GPLD1: variants seen among roughly 807,000 people sequenced by gnomAD.
The protein encoded by GPLD1 is glycosylphosphatidylinositol specific phospholipase D1, also known as phosphatidylinositol-glycan-specific phospholipase D.
GPLD1 carries 84 observed loss-of-function variants against 112.6 expected under a neutral mutation model. That is an observed-to-expected ratio of 0.75 (90% CI 0.63 to 0.89). The LOEUF (loss-of-function observed/expected upper bound fraction) is 0.89. Ranked by LOEUF, GPLD1 falls within the 40% of genes least tolerant of loss-of-function variation. GPLD1 has a pLI of 0.00. For missense variants in GPLD1, 1,044 were observed against 1,051.5 expected, an observed-to-expected ratio of 0.99 and a Z score of 0.10; for synonymous variants, 386 against 403.8, an observed-to-expected ratio of 0.96 and a Z score of 0.53.
chr6:24,448,262 C>T, intron 15 of GPLD1, 54 bp from the exon 16 acceptor site: 1 of 1,165,086 alleles, frequency 8.6e-7, no homozygotes, highest in Non-Finnish European at 1.3e-6. Flanking sequence ...GACCCAAGAA[C>T]CTTAAATAAC....
intron 1 of GPLD1, among the ~76,000 whole-genome samples, chr6:24,487,069 C>T (rs187795234): frequency 5.9e-4 from 90 of 152,232 alleles, no homozygotes; most frequent in Non-Finnish European, 8.5e-4. Flanking sequence ...AAGGTGATAC[C>T]TTATTTCTGT....
chr6:24,437,949 G>T (rs575626069), intron 20 of GPLD1, among the ~76,000 whole-genome samples: 1 of 152,110 alleles, frequency 6.6e-6, no homozygotes. Flanking sequence ...TAATAACACC[G>T]AGTCCAGTGG....
intron 11 of GPLD1, among the ~76,000 whole-genome samples, chr6:24,461,126 CA>C (rs2127349125): frequency 6.6e-6 from 1 of 151,920 alleles, no homozygotes; most frequent in African/African-American, 2.4e-5. Flanking sequence ...GTCAACCAGC[CA>C]AAAAGCAGAT....
intron 4 of GPLD1, among the ~76,000 whole-genome samples, chr6:24,475,640 C>G (rs1763986040): frequency 6.9e-6 from 1 of 145,080 alleles, no homozygotes; most frequent in East Asian, 2.0e-4. Context: ...GTCAGGAAAT[C>G]GAGACCATCC....
upstream of GPLD1, chr6:24,489,729 C>T (rs1764503617): frequency 1.5e-6 from 1 of 682,110 alleles, no homozygotes; most frequent in South Asian, 2.4e-5. Context: ...CTCTGTGCTC[C>T]TGGGGGGTGG....
chr6:24,460,346 T>G lies in GPLD1; in HGVS notation c.941A>C (p.Glu314Ala), dbSNP rs760257580. Residue 314 changes from glutamate (E) to alanine (A), a missense_variant, in exon 12 of 25, where the codon GAA (glutamate) becomes GCA (alanine). Glu to Ala is a moderately radical substitution (Grantham distance 107). Coordinates refer to ENST00000230036, the MANE Select transcript of GPLD1 (RefSeq NM_001503.4). ...ATAGTTTATATTCCTGTCAACACTT[T>G]CAGTTAGGGATGTAGTCAAATTTCT... ...FHRNLTTSLTESVDRNINYTE... is the reference protein window; with the variant it reads ...FHRNLTTSLTASVDRNINYTE... The G allele has an allele frequency of 6.2e-7, 1 of 1,612,942 alleles. No homozygotes were observed. Among genetic ancestry groups the G allele is most frequent in the Non-Finnish European group, 8.5e-7 (1 of 1,178,920 alleles).
intron 5 of GPLD1, among the ~76,000 whole-genome samples, chr6:24,474,171 A>ACC (rs1212206629): frequency 4.7e-4 from 28 of 60,106 alleles, no homozygotes; most frequent in African/African-American, 1.1e-3. Context: ...AACCACACCC[A>ACC]CATACACACA....
At chr6:24,461,964 T>C (rs1763452419) in intron 11 of GPLD1, among the ~76,000 whole-genome samples, 1 of 152,232 alleles carries the variant, frequency 6.6e-6, no homozygotes, top group South Asian at 2.1e-4. Context: ...GGTTGGTACC[T>C]GACTCCAGCA....
intron 21 of GPLD1, 26 bp from the exon 22 acceptor site, chr6:24,436,762 G>T: frequency 6.2e-7 from 1 of 1,609,980 alleles, no homozygotes; most frequent in Non-Finnish European, 8.5e-7. Flanking sequence ...ACCGACAGAA[G>T]GAAGTATTTG....
intron 10 of GPLD1, 52 bp from the exon 11 acceptor site, chr6:24,462,847 GA>G (rs1763481437): frequency 4.6e-6 from 6 of 1,291,224 alleles, no homozygotes; most frequent in Non-Finnish European, 5.6e-6. Flanking sequence ...TCACAAGCAT[GA>G]ATTTTACCGA....
In GPLD1 at chr6:24,486,079, CTG is replaced by C; in HGVS notation, c.147_148del (p.Tyr49Ter). 6.3e-7 allele frequency: 1 copy of C among 1,581,272 alleles called. No homozygotes were observed. The highest frequency in any genetic ancestry group is 8.7e-7 in the Non-Finnish European group (1 of 1,152,676). On this transcript the variant is annotated stop_gained and frameshift_variant, in exon 2 of 25. Transcript: ENST00000230036. LOFTEE classifies it high-confidence loss of function. ...AAGAAAAATCAAGATTTCTACCTCTCTGTAGTTAACACGCCCATTGTGAAGCT... is the reference window on the plus strand; with the variant it reads ...AAGAAAAATCAAGATTTCTACCTCTCTAGTTAACACGCCCATTGTGAAGCT...
In GPLD1 at chr6:24,440,651, C is replaced by T. The variant is rs1762717804; in HGVS notation, c.2021-3362G>A. 2.1e-5 allele frequency among the ~76,000 whole-genome samples: 3 copies of T among 143,202 alleles called. No individual in the cohort carries two copies. In the Admixed American group the frequency reaches 2.1e-4, roughly 10 times the overall value. The allele number at this position is 143,202 out of a possible 152,430, so 93.9% of individuals were successfully genotyped here. On this transcript the variant is annotated intron_variant, in intron 20 of 24. Coordinates refer to ENST00000230036, the MANE Select transcript of GPLD1 (RefSeq NM_001503.4). ...GCCTGTGGTCCCGGCTACTTGTGAA[C>T]CTGAGATGGGAGGATCACTTGAGCC...
At chr6:24,460,134 G>C in intron 12 of GPLD1, 145 bp downstream of exon 12, 1 of 862,670 alleles carries the variant, frequency 1.2e-6, no homozygotes, top group Non-Finnish European at 1.9e-6. Flanking sequence ...CTGGACTCAA[G>C]GGATCCTCTC....
chr6:24,466,120 G>A (rs943131886), intron 10 of GPLD1, among the ~76,000 whole-genome samples: 12 of 152,240 alleles, frequency 7.9e-5, no homozygotes, highest in African/African-American at 2.9e-4. Context: ...CAAGGCAGGT[G>A]GATCACTTGA....
intron 2 of GPLD1, among the ~76,000 whole-genome samples, chr6:24,481,281 T>C (rs1243375883): frequency 6.6e-6 from 1 of 152,122 alleles, no homozygotes; most frequent in Non-Finnish European, 1.5e-5. Context: ...GGGGTTTCCA[T>C]TATCTGCAAA....
chr6:24,479,810 T>A (rs1764141803), intron 3 of GPLD1, 71 bp downstream of exon 3: 16 of 818,326 alleles, frequency 2.0e-5, no homozygotes, highest in Middle Eastern at 2.5e-4. Flanking sequence ...ATATATATAT[T>A]TTTAAAGTCA....
chr6:24,446,014 A>G (rs958650186), intron 18 of GPLD1, among the ~76,000 whole-genome samples, 183 bp from the exon 19 acceptor site: 1 of 152,042 alleles, frequency 6.6e-6, no homozygotes, highest in Non-Finnish European at 1.5e-5. Flanking sequence ...CAGGCTCTCC[A>G]GGTGCCACAC....
At chr6:24,465,321 C>T (rs1400932939) in intron 10 of GPLD1, among the ~76,000 whole-genome samples, 1 of 151,726 alleles carries the variant, frequency 6.6e-6, no homozygotes, top group Non-Finnish European at 1.5e-5. Flanking sequence ...GGGTGGATCA[C>T]TTGGATCTCA....
Position 24,456,579 on chromosome 6 carries a change from C to G in GPLD1, c.1067G>C (p.Gly356Ala), listed in dbSNP as rs148415284. ...LERNIRTMFI[G>A]GSQLSQKHVS... ...GTGCTTTTGTGACAACTGAGAGCCA[C>G]CTATGAACATTGTCCTTATGTTCCT... Residue 356 changes from glycine (G) to alanine (A), a missense_variant, in exon 13 of 25, where the codon GGT becomes GCT. Physicochemically the swap from Gly to Ala is moderately conservative, Grantham distance 60. Coordinates refer to ENST00000230036, the MANE Select transcript of GPLD1 (RefSeq NM_001503.4). 7 of 1,601,040 alleles carry G rather than the reference C, an allele frequency of 4.4e-6. No individual in the cohort carries two copies. The African/African-American group carries it at 8.0e-5, about 18-fold the overall frequency.
Sources: allele counts gnomAD v4.1 joint callset (sites outside exome capture counted in the v4.1 genomes callset), GRCh38; gene constraint gnomAD v4.1.1; transcripts MANE v1.5; gene names NCBI Gene and HGNC (gene_info 2026-07-23, HGNC 2026-07-21).